The following LMBR1 variants were observed in gnomAD, a reference collection of about 807,000 sequenced individuals.
LMBR1 encodes limb development membrane protein 1.
Under a neutral mutation model 73.9 loss-of-function variants are expected in LMBR1, and 52 were observed. That is an observed-to-expected ratio of 0.70 (90% CI 0.56 to 0.89). The LOEUF is 0.89. Among genes scored for constraint, LMBR1 ranks in the 40% least tolerant of loss-of-function variants. LMBR1 has a pLI of 0.00. For missense variants in LMBR1, 539 were observed against 579.8 expected, an observed-to-expected ratio of 0.93 and a Z score of 0.72; for synonymous variants, 215 against 209.4, an observed-to-expected ratio of 1.03 and a Z score of -0.23.
intron 15 of LMBR1, among the ~76,000 whole-genome samples, chr7:156,707,344 C>T (rs946455363): frequency 6.6e-6 from 1 of 152,146 alleles, no homozygotes; most frequent in Admixed American, 6.5e-5. Context: ...TGAAACTGTT[C>T]CCAAAAACTG....
At chr7:156,830,787 G>A (rs1226594590) in intron 3 of LMBR1, among the ~76,000 whole-genome samples, 3 of 152,106 alleles carry the variant, frequency 2.0e-5, no homozygotes, top group Non-Finnish European at 2.9e-5. Flanking sequence ...AGCCCATCTC[G>A]GAGATTCTAC....
downstream of LMBR1, chr7:156,676,514 G>A: frequency 6.2e-7 from 1 of 1,614,076 alleles, no homozygotes; most frequent in East Asian, 2.2e-5. Context: ...GTTCCAGAGA[G>A]ATGGCCCTCC....
intron 15 of LMBR1, among the ~76,000 whole-genome samples, chr7:156,720,571 C>T (rs914837876): frequency 2.0e-5 from 3 of 151,820 alleles, no homozygotes; most frequent in Admixed American, 1.3e-4. Context: ...TTAAAGATCT[C>T]AACTGTATAT....
At chr7:156,803,697 T>C (rs1005013272) in intron 4 of LMBR1, among the ~76,000 whole-genome samples, 12 of 152,034 alleles carry the variant, frequency 7.9e-5, no homozygotes, top group African/African-American at 2.9e-4. Flanking sequence ...TGCACACGTA[T>C]GTTTATTGTG....
At chr7:156,780,333 A>C (rs1826902704) in intron 5 of LMBR1, among the ~76,000 whole-genome samples, 1 of 152,224 alleles carries the variant, frequency 6.6e-6, no homozygotes. Flanking sequence ...CAGTTCATTG[A>C]ATTAACATCT....
At chr7:156,874,319 G>A (rs935405957) in intron 1 of LMBR1, among the ~76,000 whole-genome samples, 6 of 152,182 alleles carry the variant, frequency 3.9e-5, no homozygotes, top group Non-Finnish European at 7.4e-5. Flanking sequence ...CCAAGCCCAC[G>A]CCCACCCGGA....
chr7:156,849,658 G>GT (rs1173844059), intron 1 of LMBR1, among the ~76,000 whole-genome samples: 1 of 152,182 alleles, frequency 6.6e-6, no homozygotes, highest in Non-Finnish European at 1.5e-5. Context: ...AGCATCAGTT[G>GT]TTTGTTGCCA....
intron 1 of LMBR1, among the ~76,000 whole-genome samples, chr7:156,861,456 G>A (rs1459639923): frequency 2.0e-5 from 3 of 152,144 alleles, no homozygotes; most frequent in African/African-American, 7.2e-5. Flanking sequence ...GGGAGGGGCT[G>A]CCACAAAGGT....
At chr7:156,794,279 TAA>T (rs1563375517) in intron 5 of LMBR1, among the ~76,000 whole-genome samples, 1 of 152,194 alleles carries the variant, frequency 6.6e-6, no homozygotes, top group Non-Finnish European at 1.5e-5. Context: ...TAATCATGTA[TAA>T]AAAGACTAAA....
chr7:156,829,770 G>C (rs1007666925), intron 3 of LMBR1, among the ~76,000 whole-genome samples: 1 of 152,118 alleles, frequency 6.6e-6, no homozygotes, highest in African/African-American at 2.4e-5. Flanking sequence ...ACCTGATAAA[G>C]CTATCAACAG....
chr7:156,691,451 C>A (rs1488831104), intron 15 of LMBR1, among the ~76,000 whole-genome samples: 2 of 152,140 alleles, frequency 1.3e-5, no homozygotes, highest in African/African-American at 4.8e-5. Flanking sequence ...AATTAACATA[C>A]AGAATAAAAT....
At chr7:156,892,734 GGGAGA>G (rs1175209763) in intron 1 of LMBR1, 189 bp downstream of exon 1, 3 of 398,338 alleles carry the variant, frequency 7.5e-6, no homozygotes, top group African/African-American at 6.8e-5. Flanking sequence ...GGGAGGGGAG[GGGAGA>G]GGAGAGGTGG....
At chr7:156,691,384 A>G (rs1292266167) in intron 15 of LMBR1, among the ~76,000 whole-genome samples, 1 of 152,186 alleles carries the variant, frequency 6.6e-6, no homozygotes, top group East Asian at 1.9e-4. Context: ...TTCAACTGAA[A>G]ATATTTTATG....
intron 15 of LMBR1, among the ~76,000 whole-genome samples, chr7:156,702,662 C>T (rs1283120105): frequency 6.6e-6 from 1 of 152,114 alleles, no homozygotes; most frequent in East Asian, 1.9e-4. Context: ...AATATTTTTA[C>T]TTCTTTTTCA....
At chr7:156,753,581 G>T (rs1055820630) in intron 9 of LMBR1, among the ~76,000 whole-genome samples, 1 of 152,094 alleles carries the variant, frequency 6.6e-6, no homozygotes, top group Non-Finnish European at 1.5e-5. Context: ...GAAGCTAGAG[G>T]AAAGTGGAAA....
At chr7:156,763,252 A>T (rs1368501013) in intron 6 of LMBR1, 76 bp from the exon 7 acceptor site, 1 of 626,066 alleles carries the variant, frequency 1.6e-6, no homozygotes, top group African/African-American at 1.9e-5. Flanking sequence ...TCTTACGATA[A>T]GATAGAGGCT....
intron 5 of LMBR1, among the ~76,000 whole-genome samples, chr7:156,788,090 C>CTG (rs1439493845): frequency 6.6e-6 from 1 of 152,064 alleles, no homozygotes; most frequent in African/African-American, 2.4e-5. Flanking sequence ...TCCATTTCCT[C>CTG]TGTGTGGCAT....
At chr7:156,879,466 C>T (rs1192266522) in intron 1 of LMBR1, among the ~76,000 whole-genome samples, 6 of 152,100 alleles carry the variant, frequency 3.9e-5, no homozygotes, top group Non-Finnish European at 7.4e-5. Context: ...AGATCGAGAC[C>T]ATCCTGGCTA....
At chr7:156,724,373 TAGA>T (rs1171485865) in intron 14 of LMBR1, among the ~76,000 whole-genome samples, 195 bp from the exon 15 acceptor site, 2 of 152,188 alleles carry the variant, frequency 1.3e-5, no homozygotes, top group Non-Finnish European at 1.5e-5. Context: ...CTGTAAGTTC[TAGA>T]AGATGTTTAC....
Sources: gnomAD v4.1 joint callset for allele counts (sites outside exome capture counted in the v4.1 genomes callset) on GRCh38, gnomAD v4.1.1 for gene constraint, MANE v1.5 for transcripts, NCBI Gene and HGNC (gene_info 2026-07-23, HGNC 2026-07-21) for gene names.